ARAP3: variants seen among roughly 807,000 people sequenced by gnomAD.
The protein encoded by ARAP3 is ArfGAP with RhoGAP domain, ankyrin repeat and PH domain 3, also known as arf-GAP with Rho-GAP domain, ANK repeat and PH domain-containing protein 3.
ARAP3 carries 82 observed loss-of-function variants against 169.2 expected under a neutral mutation model. That is an observed-to-expected ratio of 0.48 (90% CI 0.41 to 0.58). The LOEUF (loss-of-function observed/expected upper bound fraction) is 0.58, where lower values mean the gene tolerates loss of function less well. Ranked by LOEUF, ARAP3 falls within the 20% of genes least tolerant of loss-of-function variation. The pLI is 0.00. For missense variants in ARAP3, 1,764 were observed against 2,018.0 expected, an observed-to-expected ratio of 0.87 and a Z score of 2.41; for synonymous variants, 791 against 800.3, an observed-to-expected ratio of 0.99 and a Z score of 0.20.
intron 25 of ARAP3, 79 bp from the exon 26 acceptor site, chr5:141,656,925 A>T (rs959875558): frequency 1.3e-6 from 2 of 1,512,674 alleles, no homozygotes; most frequent in Admixed American, 2.1e-5. Context: ...TCATTCATTC[A>T]TCCATTCAAC....
In ARAP3 at chr5:141,671,680, G is replaced by A. The variant is rs1274737673; in HGVS notation, c.1744C>T (p.His582Tyr). 6.2e-7 allele frequency: 1 copy of A among 1,613,504 alleles called. No individual in the cohort carries two copies. The highest frequency in any genetic ancestry group is 2.2e-5 in the East Asian group (1 of 44,884). ...AGTLPPGEGL[H>Y]PDATPGPRGE... ...CGGGGGCCAGGGGTCGCATCTGGAT[G>A]TAGTCCCTCACCTGGGGGTAGGGTC... The change falls in exon 12 of 33, where the codon CAT (histidine) becomes TAT (tyrosine). Residue 582 changes from histidine (H) to tyrosine (Y), a missense_variant. This residue lies in a region of ARAP3 where 1,112 missense variants were observed against 1,285.7 expected (regional missense o/e 0.86). Coordinates refer to ENST00000239440, the MANE Select transcript of ARAP3 (RefSeq NM_022481.6). The surrounding 1 kb of genome is among the most constrained non-coding windows in gnomAD (Gnocchi z 4.9).
At chr5:141,668,857 G>A (rs1301318768) in intron 16 of ARAP3, among the ~76,000 whole-genome samples, 2 of 152,202 alleles carry the variant, frequency 1.3e-5, no homozygotes, top group Non-Finnish European at 2.9e-5. Flanking sequence ...GAGGGCATGG[G>A]CAGAGGAGGG....
chr5:141,672,856 CG>C lies in ARAP3; in HGVS notation c.1162del (p.Arg388GlyfsTer27). 1 of 796,880 alleles carries C rather than the reference CG, an allele frequency of 1.3e-6. No individual in the cohort carries two copies. 49.4% of individuals were successfully genotyped at this position (796,880 alleles called of 1,614,324 possible). ...GAGGGGTCGGGGTGGTTGGGGGGGC[CG>C]GGGGTGGCCCAGGAGGCGCTGCTCC... ...LKEQRLLGHPRPPQPPRPLRT... is the reference protein window; with the variant it reads ...LKEQRLLGHPXPPQPPRPLRT... On this transcript the variant is annotated frameshift_variant, in exon 8 of 33. Transcript: ENST00000239440. LOFTEE classifies it high-confidence loss of function. This position sits in a 1 kb window ranked among gnomAD's most constrained non-coding sequence, Gnocchi z 4.9.
chr5:141,671,792 C>T lies in ARAP3; in HGVS notation c.1672-40G>A, dbSNP rs756335720. 6.2e-6 allele frequency: 10 copies of T among 1,601,066 alleles called. No individual in the cohort carries two copies. Among genetic ancestry groups the T allele is most frequent in the Admixed American group, 1.7e-5 (1 of 59,218 alleles). On this transcript the variant is annotated intron_variant, in intron 11 of 32. Coordinates refer to ENST00000239440, the MANE Select transcript of ARAP3 (RefSeq NM_022481.6). The surrounding 1 kb of genome is among the most constrained non-coding windows in gnomAD (Gnocchi z 4.9). ...GGGACAAAGGCAGGTGACAGGAACT[C>T]AAGAGTCCTCAGATGTTCCATTCCT...
rs1192430491 is a variant in ARAP3 at position 141,655,408 on chromosome 5, CAGGT to C, written c.4111-12_4111-9del. 1 of 1,587,612 alleles carries C rather than the reference CAGGT, an allele frequency of 6.3e-7. No individual in the cohort carries two copies. Among genetic ancestry groups the C allele is most frequent in the East Asian group, 2.3e-5 (1 of 43,758 alleles). ...CCGGTTGTGTAGTCGCCGCTGGACA[CAGGT>C]GGGGTGGGGACAAGGGGAAGGAAAG... On this transcript the variant is annotated splice_polypyrimidine_tract_variant and intron_variant, in intron 31 of 32. Coordinates refer to ENST00000239440, the MANE Select transcript of ARAP3 (RefSeq NM_022481.6).
intron 4 of ARAP3, among the ~76,000 whole-genome samples, chr5:141,675,159 T>G (rs2099911995): frequency 2.0e-5 from 3 of 152,226 alleles, no homozygotes; most frequent in Non-Finnish European, 4.4e-5. Context: ...CCGCCTTCCA[T>G]GCTTCCCTGG....
At chr5:141,666,189 C>T (rs1454539651) in intron 17 of ARAP3, among the ~76,000 whole-genome samples, 1 of 151,938 alleles carries the variant, frequency 6.6e-6, no homozygotes, top group Non-Finnish European at 1.5e-5. Flanking sequence ...TATTATTGTG[C>T]CCATTTTAAA....
Position 141,670,183 on chromosome 5 carries a change from T to C in ARAP3, c.2108-120A>G, listed in dbSNP as rs2099911225. On this transcript the variant is annotated intron_variant, in intron 14 of 32. Transcript: ENST00000239440. ...GCCCATATATGATCCCATGTAATCTTCACAATAACCCTATGAGGTGTTATA... is the reference window on the plus strand; with the variant it reads ...GCCCATATATGATCCCATGTAATCTCCACAATAACCCTATGAGGTGTTATA... The C allele has an allele frequency of 2.2e-6, 3 of 1,346,816 alleles. No homozygotes were observed. In the East Asian group the frequency reaches 7.5e-5, roughly 34 times the overall value. 83.4% of individuals were successfully genotyped at this position (1,346,816 alleles called of 1,614,324 possible).
chr5:141,666,051 A>T (rs955244490), intron 17 of ARAP3, among the ~76,000 whole-genome samples: 2 of 146,320 alleles, frequency 1.4e-5, no homozygotes, highest in Non-Finnish European at 1.5e-5. Flanking sequence ...AAAAAAAAAA[A>T]AAATAATAAT....
At position 141,671,995 on chromosome 5, in the gene ARAP3, G is replaced by C. The variant is rs1303191703; in HGVS notation, c.1586-15C>G. 6.3e-6 allele frequency: 10 copies of C among 1,585,668 alleles called. No homozygotes were observed. The highest frequency in any genetic ancestry group is 8.6e-6 in the Non-Finnish European group (10 of 1,157,206). On this transcript the variant is annotated splice_polypyrimidine_tract_variant and intron_variant, in intron 10 of 32. Coordinates refer to ENST00000239440, the MANE Select transcript of ARAP3 (RefSeq NM_022481.6). The surrounding 1 kb of genome is among the most constrained non-coding windows in gnomAD (Gnocchi z 4.9). ...CCGGTGCTGACCTGTGAGGGTGTGA[G>C]GGTGTGTGAGGGTGTGTGAGGGTGT...
chr5:141,670,789 G>A (rs2099911319), intron 13 of ARAP3, among the ~76,000 whole-genome samples, 161 bp from the exon 14 acceptor site: 1 of 152,192 alleles, frequency 6.6e-6, no homozygotes, highest in Non-Finnish European at 1.5e-5. Context: ...TACCCAGATT[G>A]CAGAAGAGAG....
intron 23 of ARAP3, among the ~76,000 whole-genome samples, 160 bp downstream of exon 23, chr5:141,659,248 C>A (rs2099909628): frequency 6.6e-6 from 1 of 152,154 alleles, no homozygotes; most frequent in Non-Finnish European, 1.5e-5. Flanking sequence ...CCCCACTCCC[C>A]AAAGCACTTC....
rs2154599081 is a variant in ARAP3 at position 141,672,150 on chromosome 5, C to T, written c.1537G>A (p.Asp513Asn). 2 of 1,614,222 alleles carry T rather than the reference C, an allele frequency of 1.2e-6. No individual in the cohort carries two copies. The highest frequency in any genetic ancestry group is 1.7e-6 in the Non-Finnish European group (2 of 1,180,038). ...ACCCCCAAATTGACAGCAGCCCAAT[C>T]TGGGCGGGAGGACCCACAGTCCGCA... ...QCADCGSSRP[D>N]WAAVNLGVVI... Residue 513 changes from aspartate to asparagine, a missense_variant, in exon 10 of 33, where the codon GAT (aspartate) becomes AAT (asparagine). By Grantham distance (23) the Asp-to-Asn change is conservative. This residue lies in a region of ARAP3 where 630 missense variants were observed against 678.7 expected (regional missense o/e 0.93). Transcript: ENST00000239440. The surrounding 1 kb of genome is among the most constrained non-coding windows in gnomAD (Gnocchi z 4.9).
Position 141,654,160 on chromosome 5 carries a change from G to T in ARAP3, c.4425C>A (p.Pro1475=), listed in dbSNP as rs61736215. 1,273 of 1,612,692 alleles carry T rather than the reference G, an allele frequency of 7.9e-4. 11 individuals are homozygous for T. The African/African-American group carries it at 0.014, about 17-fold the overall frequency. ...GTTCCTCTAGGGACCCCCGTGCCTGGGGACTGCTCTTTGAAGGGGGGCCTG... is the reference window on the plus strand; with the variant it reads ...GTTCCTCTAGGGACCCCCGTGCCTGTGGACTGCTCTTTGAAGGGGGGCCTG... ...PPPGPPSKSS[P]QARGSLEEQL... The change falls in exon 33 of 33, where the codon CCC becomes CCA. Residue 1475 remains proline, a synonymous_variant. Coordinates refer to ENST00000239440, the MANE Select transcript of ARAP3 (RefSeq NM_022481.6).
At chr5:141,661,566 C>T (rs2099909980) in intron 21 of ARAP3, 118 bp downstream of exon 21, 1 of 1,077,624 alleles carries the variant, frequency 9.3e-7, no homozygotes. Flanking sequence ...GCTATGATAC[C>T]TTCACTTAAC....
rs545199716 is a variant in ARAP3, at chr5:141,676,897, A to G, written c.698+2648T>C. On this transcript the variant is annotated intron_variant, in intron 4 of 32. Coordinates refer to ENST00000239440, the MANE Select transcript of ARAP3 (RefSeq NM_022481.6). The stretch of plus-strand genomic sequence containing the variant: ...CTCGTCTACCCAGTGGTCTATTTTC[A>G]CCTCTTCTTGGAGGCATAACTTACA... Among the ~76,000 whole-genome samples the G allele has an allele frequency of 2.3e-4, 35 of 151,790 alleles. 1 individual carries two copies. In the East Asian group the frequency reaches 6.0e-3, roughly 26 times the overall value.
intron 25 of ARAP3, 145 bp downstream of exon 25, chr5:141,658,220 G>C: frequency 1.3e-6 from 1 of 779,034 alleles, no homozygotes; most frequent in South Asian, 1.7e-5. Flanking sequence ...CAACTGTGTT[G>C]AATGTCCCCT....
Position 141,671,254 on chromosome 5 carries a change from G to T in ARAP3, c.1990+11C>A. ...CCTGTAGGGGAGAGAGGAGGCACTT[G>T]GGGGAATGACCTGAGGGCAAGAGGC... On this transcript the variant is annotated intron_variant, in intron 13 of 32. Transcript: ENST00000239440. The surrounding 1 kb of genome is among the most constrained non-coding windows in gnomAD (Gnocchi z 4.9). The T allele has an allele frequency of 1.3e-6, 2 of 1,589,248 alleles. No individual in the cohort carries two copies. The highest frequency in any genetic ancestry group is 1.7e-6 in the Non-Finnish European group (2 of 1,168,398).
At chr5:141,664,832 G>A (rs1220114680) in intron 19 of ARAP3, 90 bp downstream of exon 19, 7 of 1,379,340 alleles carry the variant, frequency 5.1e-6, no homozygotes, top group South Asian at 2.6e-5. Context: ...CTGTGCTCAC[G>A]TTCCACCCTG....
Sources: gnomAD v4.1 joint callset for allele counts (sites outside exome capture counted in the v4.1 genomes callset) on GRCh38, gnomAD v4.1.1 for gene constraint, gnomAD v4.1.1 regional missense constraint, Gnocchi (gnomAD v3.1) non-coding constraint, MANE v1.5 for transcripts, NCBI Gene and HGNC (gene_info 2026-07-23, HGNC 2026-07-21) for gene names.